The following SLC25A21 variants were observed in gnomAD, a reference collection of about 807,000 sequenced individuals.
SLC25A21 encodes the protein solute carrier family 25 member 21, also known as mitochondrial 2-oxodicarboxylate carrier.
A neutral mutation model predicts 43.8 loss-of-function variants in SLC25A21; 47 were observed. The ratio of observed to expected loss-of-function variants is 1.07; its 90% CI spans 0.85 to 1.37. SLC25A21 has a LOEUF of 1.37. Ranked by LOEUF, SLC25A21 falls within the 40% of genes most tolerant of loss-of-function variation. The pLI is 0.00. For synonymous variants in SLC25A21, 131 were observed against 121.3 expected (o/e 1.08, Z -0.52); for missense variants, 352 against 350.2 (o/e 1.00, Z -0.04).
chr14:36,981,687 G>A (rs1192227715), intron 1 of SLC25A21, among the ~76,000 whole-genome samples: 1 of 152,048 alleles, frequency 6.6e-6, no homozygotes, highest in South Asian at 2.1e-4. Flanking sequence ...GGGGCCTGTC[G>A]TGGGGTGGGG....
intron 7 of SLC25A21, among the ~76,000 whole-genome samples, chr14:36,710,122 T>C (rs1280103010): frequency 1.3e-5 from 2 of 152,152 alleles, no homozygotes; most frequent in African/African-American, 4.8e-5. Flanking sequence ...TGGTGGCTCA[T>C]GCCTGTAATC....
intron 3 of SLC25A21, among the ~76,000 whole-genome samples, chr14:36,789,722 AAT>A (rs1887378955): frequency 7.5e-6 from 1 of 133,546 alleles, no homozygotes. Context: ...ATTTATATAT[AAT>A]ATATTTTATA....
chr14:36,805,727 C>T (rs1888015319), intron 3 of SLC25A21, among the ~76,000 whole-genome samples: 1 of 152,076 alleles, frequency 6.6e-6, no homozygotes, highest in Non-Finnish European at 1.5e-5. Context: ...ACTTGAATTG[C>T]TAAATAATCT....
chr14:36,762,924 C>A (rs900408493), intron 3 of SLC25A21, among the ~76,000 whole-genome samples: 1 of 152,150 alleles, frequency 6.6e-6, no homozygotes, highest in Admixed American at 6.6e-5. Flanking sequence ...CTTATTCAGA[C>A]AATTTAGCAA....
chr14:37,148,752 C>T (rs972043286), intron 1 of SLC25A21, among the ~76,000 whole-genome samples: 2 of 152,088 alleles, frequency 1.3e-5, no homozygotes, highest in African/African-American at 2.4e-5. Context: ...CTTAGAGGGG[C>T]TCACTCTTCA....
chr14:36,764,037 A>AAAGAAAGG, intron 3 of SLC25A21, among the ~76,000 whole-genome samples: 1 of 9,680 alleles, frequency 1.0e-4, no homozygotes, highest in African/African-American at 4.4e-4. Flanking sequence ...AAAGAAAGAA[A>AAAGAAAGG]AAGAAAGAAA....
At chr14:36,973,940 C>T (rs959719424) in intron 1 of SLC25A21, among the ~76,000 whole-genome samples, 6 of 151,926 alleles carry the variant, frequency 3.9e-5, no homozygotes, top group Non-Finnish European at 8.8e-5. Flanking sequence ...AAATGGGTTG[C>T]TATATTAAGA....
At chr14:36,720,561 G>A (rs550694377) in intron 6 of SLC25A21, among the ~76,000 whole-genome samples, 1 of 152,362 alleles carries the variant, frequency 6.6e-6, no homozygotes, top group South Asian at 2.1e-4. Context: ...CATTCTGCAT[G>A]TAGCCCATCC....
At chr14:36,795,027 T>C (rs914531229) in intron 3 of SLC25A21, among the ~76,000 whole-genome samples, 1 of 152,170 alleles carries the variant, frequency 6.6e-6, no homozygotes, top group African/African-American at 2.4e-5. Context: ...TTATTTATTA[T>C]GACTTTCTCA....
chr14:37,143,104 G>GA (rs1403539897), intron 1 of SLC25A21, among the ~76,000 whole-genome samples: 4 of 152,264 alleles, frequency 2.6e-5, no homozygotes, highest in East Asian at 1.9e-4. Flanking sequence ...GCAGGCAGCT[G>GA]AAAAAACAGT....
chr14:36,926,737 T>C (rs1892143552), intron 1 of SLC25A21, among the ~76,000 whole-genome samples: 1 of 152,222 alleles, frequency 6.6e-6, no homozygotes, highest in African/African-American at 2.4e-5. Context: ...GATTAAATAC[T>C]GTGAAACACA....
At chr14:36,976,696 T>C (rs1366416108) in intron 1 of SLC25A21, among the ~76,000 whole-genome samples, 1 of 152,228 alleles carries the variant, frequency 6.6e-6, no homozygotes, top group Admixed American at 6.5e-5. Flanking sequence ...TGGAAACTGC[T>C]GAGTCACTTG....
At chr14:36,748,166 C>T (rs533450062) in intron 3 of SLC25A21, among the ~76,000 whole-genome samples, 1 of 152,332 alleles carries the variant, frequency 6.6e-6, no homozygotes, top group Admixed American at 6.5e-5. Flanking sequence ...CGTATGACTT[C>T]CACGTTCTCA....
At chr14:36,773,681 A>G (rs1263781410) in intron 3 of SLC25A21, among the ~76,000 whole-genome samples, 1 of 152,236 alleles carries the variant, frequency 6.6e-6, no homozygotes, top group East Asian at 1.9e-4. Flanking sequence ...GAGATCCACC[A>G]GTGCAGTTTT....
At chr14:36,846,939 T>A (rs945732369) in intron 2 of SLC25A21, among the ~76,000 whole-genome samples, 2 of 152,154 alleles carry the variant, frequency 1.3e-5, no homozygotes, top group South Asian at 4.1e-4. Context: ...AAACTATGAT[T>A]TTCTCCTAAG....
intron 1 of SLC25A21, among the ~76,000 whole-genome samples, chr14:37,155,160 T>C (rs1287687326): frequency 6.6e-6 from 1 of 152,020 alleles, no homozygotes; most frequent in Non-Finnish European, 1.5e-5. Context: ...AACCTCTGCT[T>C]CCGAGATTCC....
Position 36,845,627 on chromosome 14 carries a change from A to G in SLC25A21, c.119+29329T>C, listed in dbSNP as rs182999632. 6.2e-4 allele frequency among the ~76,000 whole-genome samples: 94 copies of G among 152,366 alleles called. 1 individual carries two copies. Among genetic ancestry groups the G allele is most frequent in the East Asian group, 2.9e-3 (15 of 5,184 alleles). The stretch of plus-strand genomic sequence containing the variant: ...AGTCTTAATTCGAACTATTTCAAAT[A>G]CCATTTCTGTAGATGAATATGATCC... On this transcript the variant is annotated intron_variant, in intron 2 of 9. Transcript: ENST00000331299.
intron 1 of SLC25A21, among the ~76,000 whole-genome samples, chr14:37,121,404 G>T (rs1001415508): frequency 2.0e-5 from 3 of 152,174 alleles, no homozygotes; most frequent in African/African-American, 7.2e-5. Context: ...TGCGGATAGG[G>T]GAGGGAAATG....
In SLC25A21 at chr14:36,892,728, G is replaced by A. The variant is rs575468795; in HGVS notation, c.71-17724C>T. Among the ~76,000 whole-genome samples the A allele has an allele frequency of 4.6e-4, 70 of 151,992 alleles. 1 individual carries two copies. The East Asian group carries it at 0.012, about 27-fold the overall frequency. Reference sequence around the variant, plus strand: ...CCAACCCCACAACTGGCCCCGGTGTGTGATGTTCCCCTTCCTGTGTCCATG... The same window carrying A: ...CCAACCCCACAACTGGCCCCGGTGTATGATGTTCCCCTTCCTGTGTCCATG... On this transcript the variant is annotated intron_variant, in intron 1 of 9. Transcript: ENST00000331299.
Sources: gnomAD v4.1 joint callset for allele counts (sites outside exome capture counted in the v4.1 genomes callset) on GRCh38, gnomAD v4.1.1 for gene constraint, MANE v1.5 for transcripts, NCBI Gene and HGNC (gene_info 2026-07-23, HGNC 2026-07-21) for gene names.